SYN3: variants seen among roughly 807,000 people sequenced by gnomAD.
SYN3 encodes synapsin-3.
SYN3 carries 35 observed loss-of-function variants against 65.8 expected under a neutral mutation model. That is an observed-to-expected ratio of 0.53 (90% CI 0.41 to 0.70). SYN3 has a LOEUF of 0.70. Among genes scored for constraint, SYN3 ranks in the 30% least tolerant of loss-of-function variants. The pLI, the probability that SYN3 is intolerant of heterozygous loss-of-function variation, is 0.00. For missense variants in SYN3, 680 were observed against 749.0 expected, an observed-to-expected ratio of 0.91 and a Z score of 1.08; for synonymous variants, 270 against 292.9, an observed-to-expected ratio of 0.92 and a Z score of 0.80.
chr22:32,947,451 C>T (rs1273009864), intron 3 of SYN3: 2 of 152,140 alleles, frequency 1.3e-5, no homozygotes, highest in Non-Finnish European at 1.5e-5. Flanking sequence ...AATGGATACC[C>T]TCACACATTA....
intron 12 of SYN3, among the ~76,000 whole-genome samples, chr22:32,523,564 A>ATG (rs1386588610): frequency 1.3e-5 from 2 of 152,088 alleles, no homozygotes; most frequent in African/African-American, 4.8e-5. Context: ...TACTTGATAA[A>ATG]TGTGTGTGTT....
chr22:32,981,297 T>G (rs1021841998), intron 2 of SYN3, among the ~76,000 whole-genome samples: 2 of 150,700 alleles, frequency 1.3e-5, no homozygotes, highest in Admixed American at 6.6e-5. Flanking sequence ...TTAATAATTT[T>G]GCTACAGGCC....
At chr22:32,988,232 G>A (rs1197302854) in intron 2 of SYN3, among the ~76,000 whole-genome samples, 8 of 151,604 alleles carry the variant, frequency 5.3e-5, no homozygotes, top group South Asian at 2.1e-4. Flanking sequence ...GCTTGAAACC[G>A]GGTGGTGGAG....
chr22:33,043,600 T>C lies in SYN3; in HGVS notation c.-163+14692A>G, dbSNP rs577308072. ...AAAGCACAAGCCATGAAGTCAAAAC[T>C]ACCTGGGTTAATATCCCAGCAATTC... On this transcript the variant is annotated intron_variant, in intron 1 of 13. Coordinates refer to ENST00000358763, the MANE Select transcript of SYN3 (RefSeq NM_003490.4). Among the ~76,000 whole-genome samples the C allele has an allele frequency of 1.2e-3, 178 of 152,350 alleles. 2 individuals are homozygous for C. Among genetic ancestry groups the C allele is most frequent in the African/African-American group, 4.2e-3 (175 of 41,588 alleles).
chr22:32,934,918 G>A (rs2050729927), intron 3 of SYN3, among the ~76,000 whole-genome samples: 1 of 152,178 alleles, frequency 6.6e-6, no homozygotes, highest in Admixed American at 6.5e-5. Context: ...GAAGATGGCA[G>A]CAGAGATGGA....
chr22:33,039,288 C>T lies in SYN3; in HGVS notation c.-163+19004G>A, dbSNP rs1044141976. On this transcript the variant is annotated intron_variant, in intron 1 of 13. Coordinates refer to ENST00000358763, the MANE Select transcript of SYN3 (RefSeq NM_003490.4). ...AAAGTCCATGCTCAAAGCTACTATG[C>T]CATGATGCCTCCAGGAGGTGTTTTA... Among the ~76,000 whole-genome samples, 7 of 152,184 alleles carry T rather than the reference C, an allele frequency of 4.6e-5. 1 individual carries two copies. The highest frequency in any genetic ancestry group is 3.9e-4 in the East Asian group (2 of 5,180).
intron 6 of SYN3, among the ~76,000 whole-genome samples, chr22:32,778,019 C>T (rs1001518306): frequency 7.2e-5 from 11 of 152,144 alleles, no homozygotes; most frequent in African/African-American, 2.4e-4. Flanking sequence ...GAGGCCCCTA[C>T]GTGTTAGAAT....
At chr22:32,586,298 C>T (rs73881739) in intron 7 of SYN3, among the ~76,000 whole-genome samples, 2,010 of 152,120 alleles carry the variant, frequency 0.013, 47 homozygotes, top group African/African-American at 0.045. Context: ...AGTTAAGTTC[C>T]TTTAAGCCTC....
intron 7 of SYN3, chr22:32,583,195 A>T (rs2058974497): frequency 6.6e-6 from 1 of 152,242 alleles, no homozygotes; most frequent in African/African-American, 2.4e-5. Context: ...ACACCCCAAA[A>T]TGTAACAAAC....
chr22:32,935,283 CTT>C (rs71320960), intron 3 of SYN3, among the ~76,000 whole-genome samples: 19 of 136,092 alleles, frequency 1.4e-4, no homozygotes, highest in Admixed American at 3.7e-4. Flanking sequence ...CTCTCTCTCT[CTT>C]TCTCTCTCTC....
At chr22:32,879,460 G>A (rs2042796) in intron 4 of SYN3, among the ~76,000 whole-genome samples, 30,965 of 152,144 alleles carry the variant, frequency 0.2, 4,057 homozygotes, top group Non-Finnish European at 0.29. Flanking sequence ...TGATGCTGGG[G>A]AGGTGGGGGA....
At chr22:33,018,931 C>T (rs2053516089) in intron 1 of SYN3, among the ~76,000 whole-genome samples, 1 of 152,182 alleles carries the variant, frequency 6.6e-6, no homozygotes, top group South Asian at 2.1e-4. Flanking sequence ...TCTCCACTAA[C>T]ATCTTCAGCA....
At chr22:32,896,777 G>A (rs916046850) in intron 4 of SYN3, among the ~76,000 whole-genome samples, 4 of 152,180 alleles carry the variant, frequency 2.6e-5, no homozygotes, top group Admixed American at 2.0e-4. Flanking sequence ...CACCTTGTTC[G>A]AAGATGTGTG....
intron 3 of SYN3, among the ~76,000 whole-genome samples, chr22:32,959,767 A>C (rs183713406): frequency 1.3e-5 from 2 of 151,906 alleles, no homozygotes; most frequent in African/African-American, 4.8e-5. Flanking sequence ...GCTAATTTTT[A>C]AAATTTTTTT....
chr22:32,868,409 CAT>C (rs922992083), intron 5 of SYN3, among the ~76,000 whole-genome samples: 8 of 151,266 alleles, frequency 5.3e-5, no homozygotes, highest in Admixed American at 4.6e-4. Flanking sequence ...TAATATATAA[CAT>C]GTATATATTA....
chr22:32,591,732 G>A (rs1366633311), intron 7 of SYN3, among the ~76,000 whole-genome samples: 1 of 152,124 alleles, frequency 6.6e-6, no homozygotes, highest in Non-Finnish European at 1.5e-5. Flanking sequence ...CTTATCTGTG[G>A]TTTTGGTTAC....
chr22:32,535,189 C>A (rs1329004016), intron 9 of SYN3, among the ~76,000 whole-genome samples: 1 of 152,204 alleles, frequency 6.6e-6, no homozygotes, highest in East Asian at 1.9e-4. Flanking sequence ...AAGCAAGCCA[C>A]CCTTCCTCTC....
At chr22:32,630,681 C>A (rs1301868689) in intron 6 of SYN3, among the ~76,000 whole-genome samples, 2 of 152,290 alleles carry the variant, frequency 1.3e-5, no homozygotes, top group African/African-American at 4.8e-5. Flanking sequence ...AGCTATGTGA[C>A]CAACACTTAA....
intron 6 of SYN3, among the ~76,000 whole-genome samples, chr22:32,795,236 A>G (rs952757928): frequency 1.3e-5 from 2 of 152,270 alleles, no homozygotes; most frequent in African/African-American, 4.8e-5. Context: ...GCAGCAATGC[A>G]AAGTTGAAGT....
Sources: allele counts gnomAD v4.1 joint callset (sites outside exome capture counted in the v4.1 genomes callset), GRCh38; gene constraint gnomAD v4.1.1; transcripts MANE v1.5; gene names NCBI Gene and HGNC (gene_info 2026-07-23, HGNC 2026-07-21).